GREB1L: variants seen among roughly 807,000 people sequenced by gnomAD.
The protein encoded by GREB1L is GREB1-like protein.
GREB1L carries 17 observed loss-of-function variants against 200.8 expected under a neutral mutation model. That is an observed-to-expected ratio of 0.08 (90% CI 0.06 to 0.13). The LOEUF is 0.13. Ranked by LOEUF, GREB1L falls within the 10% of genes least tolerant of loss-of-function variation. The pLI is 1.00. For synonymous variants in GREB1L, 789 were observed against 893.0 expected, an observed-to-expected ratio of 0.88 and a Z score of 2.08; for missense variants, 1,657 against 2,367.7, an observed-to-expected ratio of 0.70 and a Z score of 6.23.
intron 7 of GREB1L, among the ~76,000 whole-genome samples, chr18:21,411,027 A>T (rs1264363188): frequency 6.6e-6 from 1 of 152,178 alleles, no homozygotes; most frequent in Non-Finnish European, 1.5e-5. Context: ...CAATAGAAAC[A>T]GTGAGCAGAA....
intron 1 of GREB1L, among the ~76,000 whole-genome samples, chr18:21,350,908 A>G (rs2039423092): frequency 6.6e-6 from 1 of 152,098 alleles, no homozygotes; most frequent in Non-Finnish European, 1.5e-5. Flanking sequence ...CATACCCCAT[A>G]CCCCATATTC....
At chr18:21,477,946 A>G (rs1232671440) in intron 17 of GREB1L, among the ~76,000 whole-genome samples, 2 of 152,350 alleles carry the variant, frequency 1.3e-5, no homozygotes, top group South Asian at 4.1e-4. Context: ...TCTGTCGTAT[A>G]TAATTTTTCA....
chr18:21,369,101 T>C (rs1203127569), intron 2 of GREB1L, among the ~76,000 whole-genome samples: 3 of 152,322 alleles, frequency 2.0e-5, no homozygotes, highest in Admixed American at 2.0e-4. Flanking sequence ...ATAGTATCTT[T>C]TGAAATTCTA....
chr18:21,336,004 C>A lies in GREB1L; in HGVS notation c.-119-30023C>A, dbSNP rs532418709. Among the ~76,000 whole-genome samples, 101 of 152,206 alleles carry A rather than the reference C, an allele frequency of 6.6e-4. 1 individual carries two copies. In the South Asian group the frequency reaches 0.019, roughly 29 times the overall value. ...AAAATAATTTCATCATTAAAACATT[C>A]TTCATTCTTTCAGTGAGAGGATGCT... On this transcript the variant is annotated intron_variant, in intron 1 of 32. Coordinates refer to ENST00000424526, the MANE Select transcript of GREB1L (RefSeq NM_001142966.3).
chr18:21,358,792 C>A (rs2039542992), intron 1 of GREB1L, among the ~76,000 whole-genome samples: 1 of 152,144 alleles, frequency 6.6e-6, no homozygotes, highest in South Asian at 2.1e-4. Flanking sequence ...CACTAAAGAA[C>A]TTATTTATGT....
chr18:21,497,818 C>A lies in GREB1L; in HGVS notation c.3391+1120C>A, dbSNP rs2036609141. ...CCTCCTTCTCCCCTCACCACCCCCC[C>A]CCCTTTTTTTTTTTTTTTTTGAGAT... is the stretch of plus-strand genomic sequence containing the variant. On this transcript the variant is annotated intron_variant, in intron 21 of 32. Transcript: ENST00000424526. Among the ~76,000 whole-genome samples, 2 of 127,090 alleles carry A rather than the reference C, an allele frequency of 1.6e-5. 1 individual carries two copies. Among genetic ancestry groups the A allele is most frequent in the East Asian group, 4.9e-4 (2 of 4,062 alleles). 83.4% of individuals were successfully genotyped at this position (127,090 alleles called of 152,430 possible).
intron 7 of GREB1L, among the ~76,000 whole-genome samples, chr18:21,423,583 G>T (rs1411195781): frequency 6.6e-6 from 1 of 152,166 alleles, no homozygotes; most frequent in African/African-American, 2.4e-5. Flanking sequence ...GCTCAGACCG[G>T]GCGCGTTCAC....
In GREB1L at chr18:21,505,380, C is replaced by A; in HGVS notation, c.4073-32C>A. ...ACACATGGGGAAGAGGGAGGCCAGT[C>A]ACCTGCTCTGCACACTTCCTTCTTG... is the stretch of plus-strand genomic sequence containing the variant. On this transcript the variant is annotated intron_variant, in intron 23 of 32. Transcript: ENST00000424526. 1.9e-6 allele frequency: 3 copies of A among 1,540,188 alleles called. No individual in the cohort carries two copies. In the South Asian group the frequency reaches 3.6e-5, roughly 18 times the overall value.
intron 2 of GREB1L, among the ~76,000 whole-genome samples, chr18:21,382,863 C>G (rs2040379300): frequency 1.3e-5 from 2 of 152,128 alleles, no homozygotes; most frequent in South Asian, 4.1e-4. Context: ...AAGGTCATGA[C>G]TTCAAAGTTT....
At chr18:21,253,954 A>C (rs924102090) in intron 1 of GREB1L, among the ~76,000 whole-genome samples, 2 of 150,450 alleles carry the variant, frequency 1.3e-5, no homozygotes, top group African/African-American at 2.5e-5. Flanking sequence ...CTCCTGCCTC[A>C]GCCTTCAGAG....
Position 21,496,566 on chromosome 18 carries a change from G to A in GREB1L, c.3259G>A (p.Gly1087Arg), listed in dbSNP as rs748881705. 2.1e-5 allele frequency: 32 copies of A among 1,551,594 alleles called. No individual in the cohort carries two copies. The highest frequency in any genetic ancestry group is 9.8e-5 in the Admixed American group (5 of 50,990). The change falls in exon 21 of 33, where the codon GGA (glycine) becomes AGA (arginine). Residue 1087 changes from glycine (G) to arginine (R), a missense_variant. Gly to Arg is a moderately radical substitution (Grantham distance 125). Transcript: ENST00000424526. ...CCYVSKEVIRGPTVALDLSGK... is the reference protein window; with the variant it reads ...CCYVSKEVIRRPTVALDLSGK... ...CTATGTCTCAAAAGAGGTCATCCGG[G>A]GACCCACTGTTGCCCTGGACCTCAG... is the stretch of plus-strand genomic sequence containing the variant.
intron 1 of GREB1L, among the ~76,000 whole-genome samples, chr18:21,344,566 TG>T (rs2039317200): frequency 6.6e-6 from 1 of 152,228 alleles, no homozygotes; most frequent in Non-Finnish European, 1.5e-5. Flanking sequence ...TCCTCCCCTC[TG>T]GGAATTTACA....
At chr18:21,401,527 G>C (rs2041315220) in intron 6 of GREB1L, among the ~76,000 whole-genome samples, 1 of 152,184 alleles carries the variant, frequency 6.6e-6, no homozygotes, top group Non-Finnish European at 1.5e-5. Context: ...GTTTAGGAAA[G>C]TGAATGTCTC....
chr18:21,367,181 G>A (rs569469989), intron 2 of GREB1L, among the ~76,000 whole-genome samples: 1 of 152,198 alleles, frequency 6.6e-6, no homozygotes, highest in African/African-American at 2.4e-5. Flanking sequence ...AACCTTAAAG[G>A]ATTCTCTTGA....
intron 17 of GREB1L, among the ~76,000 whole-genome samples, chr18:21,479,571 C>G (rs900528648): frequency 9.2e-5 from 14 of 151,802 alleles, no homozygotes; most frequent in Non-Finnish European, 1.3e-4. Context: ...CCCAGCTACT[C>G]AGGAGGCTGA....
At chr18:21,329,696 G>A (rs988924988) in intron 1 of GREB1L, among the ~76,000 whole-genome samples, 2 of 152,030 alleles carry the variant, frequency 1.3e-5, no homozygotes, top group African/African-American at 4.8e-5. Context: ...GCCTTATGAT[G>A]CAAAATAGGT....
chr18:21,473,665 T>C (rs2035574870), intron 16 of GREB1L, among the ~76,000 whole-genome samples: 1 of 152,122 alleles, frequency 6.6e-6, no homozygotes, highest in South Asian at 2.1e-4. Flanking sequence ...CTGGTAACTT[T>C]TTCCTACCCT....
chr18:21,449,355 G>A (rs567819499), intron 11 of GREB1L, among the ~76,000 whole-genome samples, 155 bp from the exon 12 acceptor site: 15 of 152,128 alleles, frequency 9.9e-5, no homozygotes, highest in Non-Finnish European at 1.2e-4. Flanking sequence ...TGATTAGTAG[G>A]GACTCTATAC....
At chr18:21,332,056 GA>G (rs2145047091) in intron 1 of GREB1L, among the ~76,000 whole-genome samples, 1 of 152,248 alleles carries the variant, frequency 6.6e-6, no homozygotes, top group Non-Finnish European at 1.5e-5. Flanking sequence ...CCAGATAACT[GA>G]AACTTCAAAA....
Sources: gnomAD v4.1 joint callset for allele counts (sites outside exome capture counted in the v4.1 genomes callset) on GRCh38, gnomAD v4.1.1 for gene constraint, MANE v1.5 for transcripts, NCBI Gene and HGNC (gene_info 2026-07-23, HGNC 2026-07-21) for gene names.